The following TNR variants were observed in gnomAD, a reference collection of about 807,000 sequenced individuals.
TNR encodes tenascin-R.
A neutral mutation model predicts 150.4 loss-of-function variants in TNR; 45 were observed. The observed-to-expected ratio is 0.30, with a 90% confidence interval of 0.24 to 0.38. TNR has a LOEUF of 0.38. Ranked by LOEUF, TNR falls within the 10% of genes least tolerant of loss-of-function variation. The pLI is 1.00. For missense variants in TNR, 1,544 were observed against 1,759.1 expected (o/e 0.88, Z 2.19); for synonymous variants, 687 against 678.4 (o/e 1.01, Z -0.20).
chr1:175,406,044 C>T (rs1019512500), intron 3 of TNR, among the ~76,000 whole-genome samples, 172 bp downstream of exon 3: 6 of 152,262 alleles, frequency 3.9e-5, no homozygotes, highest in African/African-American at 1.4e-4. Flanking sequence ...ACATATTAAC[C>T]GGCAGCTACA....
intron 2 of TNR, among the ~76,000 whole-genome samples, chr1:175,453,662 C>T (rs1012569049): frequency 1.3e-5 from 2 of 152,066 alleles, no homozygotes; most frequent in African/African-American, 2.4e-5. Flanking sequence ...CTGTGCTCCT[C>T]CTGGGCTCCA....
At chr1:175,483,325 CAGA>C (rs1254574120) in intron 2 of TNR, among the ~76,000 whole-genome samples, 1 of 152,076 alleles carries the variant, frequency 6.6e-6, no homozygotes, top group African/African-American at 2.4e-5. Flanking sequence ...TTTTCAGGAG[CAGA>C]AGGAGAGGAC....
At chr1:175,734,710 T>G (rs1194715835) in intron 1 of TNR, among the ~76,000 whole-genome samples, 1 of 152,188 alleles carries the variant, frequency 6.6e-6, no homozygotes, top group Non-Finnish European at 1.5e-5. Flanking sequence ...GCTTTTCCCT[T>G]TTTCTCTTTT....
At chr1:175,596,968 G>A (rs1663034499) in intron 1 of TNR, among the ~76,000 whole-genome samples, 1 of 152,144 alleles carries the variant, frequency 6.6e-6, no homozygotes, top group African/African-American at 2.4e-5. Flanking sequence ...GAAAAGGGGT[G>A]CATATTTCAG....
In TNR at chr1:175,741,056, C is replaced by A. The variant is rs188628428; in HGVS notation, c.-165+2170G>T. Among the ~76,000 whole-genome samples the A allele has an allele frequency of 3.0e-4, 45 of 152,328 alleles. 2 individuals carry two copies. The highest frequency in any genetic ancestry group is 2.5e-3 in the Admixed American group (39 of 15,304). On this transcript the variant is annotated intron_variant, in intron 1 of 22. Coordinates refer to ENST00000367674, the MANE Select transcript of TNR (RefSeq NM_003285.3). Reference sequence around the variant, plus strand: ...TTCTTAGCTGAGAAGTAAAGGCCAGCAGCACCTTGAGACTTCTGGCTGATT... The same window carrying A: ...TTCTTAGCTGAGAAGTAAAGGCCAGAAGCACCTTGAGACTTCTGGCTGATT...
intron 4 of TNR, among the ~76,000 whole-genome samples, 177 bp downstream of exon 4, chr1:175,402,963 C>T (rs1653783300): frequency 2.0e-5 from 3 of 152,196 alleles, no homozygotes; most frequent in South Asian, 2.1e-4. Context: ...TTTTAATCTG[C>T]CTCATCAAGA....
Position 175,337,550 on chromosome 1 carries a change from G to A in TNR, c.3512C>T (p.Thr1171Ile), listed in dbSNP as rs770282342. Residue 1171 changes from threonine to isoleucine, a missense_variant, in exon 19 of 23, where the codon ACC becomes ATC. Physicochemically the swap from Thr to Ile is moderately conservative, Grantham distance 89. Transcript: ENST00000367674. The stretch of plus-strand genomic sequence containing the variant: ...TACAATCCAGCCGCCCCCGTCGGTG[G>A]TCATATCACAGTACACTTGTAATTT... Reference protein sequence around the residue: ...SQKLQVYCDMTTDGGGWIVFQ... With the variant: ...SQKLQVYCDMITDGGGWIVFQ... 4 of 1,613,546 alleles carry A rather than the reference G, an allele frequency of 2.5e-6. No individual in the cohort carries two copies. Among genetic ancestry groups the A allele is most frequent in the Admixed American group, 1.7e-5 (1 of 60,012 alleles).
chr1:175,484,023 T>C (rs1657910882), intron 2 of TNR, among the ~76,000 whole-genome samples: 1 of 152,328 alleles, frequency 6.6e-6, no homozygotes, highest in South Asian at 2.1e-4. Context: ...GTGAGCTCCT[T>C]GTGGACAAGA....
At chr1:175,727,016 A>G (rs1667499489) in intron 1 of TNR, among the ~76,000 whole-genome samples, 1 of 152,190 alleles carries the variant, frequency 6.6e-6, no homozygotes, top group Non-Finnish European at 1.5e-5. Flanking sequence ...CTGGACTGAA[A>G]TGAAGACCCT....
chr1:175,492,665 A>G (rs535383173), intron 2 of TNR, among the ~76,000 whole-genome samples: 18 of 152,098 alleles, frequency 1.2e-4, no homozygotes, highest in Non-Finnish European at 2.1e-4. Flanking sequence ...ATATTTATGG[A>G]TGAAATGACA....
intron 1 of TNR, among the ~76,000 whole-genome samples, chr1:175,580,931 G>A (rs1002926213): frequency 4.6e-5 from 7 of 152,162 alleles, no homozygotes; most frequent in Admixed American, 4.6e-4. Flanking sequence ...AGTTGTCAGG[G>A]GGTGGGGGAT....
At chr1:175,328,848 G>T (rs955685435) in intron 21 of TNR, among the ~76,000 whole-genome samples, 1 of 152,190 alleles carries the variant, frequency 6.6e-6, no homozygotes, top group Non-Finnish European at 1.5e-5. Flanking sequence ...TGGAGGGCTG[G>T]CTTCTTTTCC....
chr1:175,538,497 G>C (rs1666458199), intron 1 of TNR, among the ~76,000 whole-genome samples: 1 of 152,178 alleles, frequency 6.6e-6, no homozygotes, highest in African/African-American at 2.4e-5. Flanking sequence ...GCAGCAACTG[G>C]GTCTTCAAAA....
intron 19 of TNR, among the ~76,000 whole-genome samples, chr1:175,336,501 G>C (rs1366641377): frequency 6.6e-6 from 1 of 152,216 alleles, no homozygotes; most frequent in African/African-American, 2.4e-5. Context: ...AGGGCGGAGG[G>C]GCTGGTTTTC....
intron 2 of TNR, among the ~76,000 whole-genome samples, chr1:175,523,148 C>G (rs1659709942): frequency 6.6e-6 from 1 of 152,190 alleles, no homozygotes; most frequent in Non-Finnish European, 1.5e-5. Flanking sequence ...TCCTTTCAAC[C>G]ACTTCCCTTG....
chr1:175,327,040 A>C (rs979398223), intron 21 of TNR, among the ~76,000 whole-genome samples: 6 of 151,828 alleles, frequency 4.0e-5, no homozygotes, highest in African/African-American at 1.5e-4. Context: ...AAAAATTCTT[A>C]GATTAATCCT....
intron 1 of TNR, among the ~76,000 whole-genome samples, chr1:175,549,124 C>T (rs946239190): frequency 1.3e-5 from 2 of 152,194 alleles, no homozygotes; most frequent in Non-Finnish European, 2.9e-5. Context: ...CCAGTCTGGC[C>T]CCCAGGCCCC....
chr1:175,461,946 C>T (rs1033359718), intron 2 of TNR, among the ~76,000 whole-genome samples: 2 of 152,162 alleles, frequency 1.3e-5, no homozygotes, highest in East Asian at 1.9e-4. Context: ...AATAGCAGCA[C>T]GACCTTGGCG....
At chr1:175,427,078 T>C (rs1655022347) in intron 2 of TNR, among the ~76,000 whole-genome samples, 1 of 149,914 alleles carries the variant, frequency 6.7e-6, no homozygotes, top group African/African-American at 2.4e-5. Context: ...TGTTCTCCAT[T>C]GCACCACTGA....
Sources: allele counts gnomAD v4.1 joint callset (sites outside exome capture counted in the v4.1 genomes callset), GRCh38; gene constraint gnomAD v4.1.1; transcripts MANE v1.5; gene names NCBI Gene and HGNC (gene_info 2026-07-23, HGNC 2026-07-21).